EDN1: variants seen among roughly 807,000 people sequenced by gnomAD.
EDN1 encodes the protein endothelin 1, also known as endothelin-1.
Under a neutral mutation model 21.7 loss-of-function variants are expected in EDN1, and 11 were observed. The observed-to-expected ratio is 0.51, with a 90% CI of 0.32 to 0.84. The LOEUF is 0.84. Ranked by LOEUF, EDN1 falls within the 40% of genes least tolerant of loss-of-function variation. The pLI, the probability that EDN1 is intolerant of heterozygous loss-of-function variation, is 0.03. For missense variants in EDN1, 244 were observed against 262.3 expected (o/e 0.93, Z 0.48); for synonymous variants, 85 against 90.6 (o/e 0.94, Z 0.35).
At chr6:12,246,176 G>A in the EDN1 span, among the ~76,000 whole-genome samples, 51 of 152,104 alleles carry the variant, frequency 3.4e-4, no homozygotes, top group African/African-American at 1.2e-3. Flanking sequence ...CCTTTAGATT[G>A]TAGCACACGA....
chr6:12,266,012 TAGA>T, the EDN1 span, among the ~76,000 whole-genome samples: 1 of 152,116 alleles, frequency 6.6e-6, no homozygotes, highest in South Asian at 2.1e-4. Flanking sequence ...TCACTAGTAT[TAGA>T]AGAGGACACA....
In EDN1 at chr6:12,292,326, T is replaced by C; in HGVS notation, c.65-15T>C. On this transcript the variant is annotated splice_polypyrimidine_tract_variant and intron_variant, in intron 1 of 4. Transcript: ENST00000379375. Reference sequence around the variant, plus strand: ...GAGGAGACATCCCCCACTGACCTGCTCTTTCTCTCCCCAGCAGTCTTAGGC... The same window carrying C: ...GAGGAGACATCCCCCACTGACCTGCCCTTTCTCTCCCCAGCAGTCTTAGGC... 6.2e-7 allele frequency: 1 copy of C among 1,613,532 alleles called. No individual in the cohort carries two copies. Among genetic ancestry groups the C allele is most frequent in the Non-Finnish European group, 8.5e-7 (1 of 1,180,020 alleles).
At chr6:12,263,395 C>CA in the EDN1 span, among the ~76,000 whole-genome samples, 1 of 152,152 alleles carries the variant, frequency 6.6e-6, no homozygotes, top group African/African-American at 2.4e-5. Flanking sequence ...AGTGGGTGTA[C>CA]AAATGCAAAT....
chr6:12,266,480 C>T, the EDN1 span, among the ~76,000 whole-genome samples: 3 of 152,150 alleles, frequency 2.0e-5, no homozygotes, highest in South Asian at 2.1e-4. Flanking sequence ...AATGGGGATC[C>T]AGGCAGGAAA....
chr6:12,270,056 A>G, the EDN1 span, among the ~76,000 whole-genome samples: 1 of 151,980 alleles, frequency 6.6e-6, no homozygotes, highest in Non-Finnish European at 1.5e-5. Flanking sequence ...CTAGAAACTT[A>G]ACCATTTCTT....
chr6:12,240,998 C>G, the EDN1 span, among the ~76,000 whole-genome samples: 1,236 of 152,070 alleles, frequency 8.1e-3, 15 homozygotes, highest in African/African-American at 0.028. Flanking sequence ...TTATGCCAGC[C>G]CTGGATCATT....
the EDN1 span, among the ~76,000 whole-genome samples, chr6:12,244,792 T>A: frequency 3.9e-5 from 6 of 152,214 alleles, no homozygotes; most frequent in Non-Finnish European, 8.8e-5. Context: ...TGCAAAAGGA[T>A]CTTAGAGAAG....
At chr6:12,248,107 C>T in the EDN1 span, among the ~76,000 whole-genome samples, 2 of 151,826 alleles carry the variant, frequency 1.3e-5, no homozygotes, top group Non-Finnish European at 2.9e-5. Context: ...CAAGTCTAAA[C>T]TGAGAACAGT....
At chr6:12,256,351 A>G in the EDN1 span, among the ~76,000 whole-genome samples, 1 of 152,136 alleles carries the variant, frequency 6.6e-6, no homozygotes. Flanking sequence ...AGATCTTGTC[A>G]AACAAAACAA....
the EDN1 span, among the ~76,000 whole-genome samples, chr6:12,269,643 C>T: frequency 6.6e-6 from 1 of 152,004 alleles, no homozygotes; most frequent in Admixed American, 6.6e-5. Flanking sequence ...TCCTTGAGTC[C>T]ATGAAATAAA....
At chr6:12,265,493 CAT>C in the EDN1 span, among the ~76,000 whole-genome samples, 1 of 152,192 alleles carries the variant, frequency 6.6e-6, no homozygotes, top group Non-Finnish European at 1.5e-5. Flanking sequence ...AGACACCAGA[CAT>C]GTGCATGCAC....
Position 12,292,146 on chromosome 6 carries a change from G to A in EDN1, c.65-195G>A, listed in dbSNP as rs200175697. On this transcript the variant is annotated intron_variant, in intron 1 of 4. Coordinates refer to ENST00000379375, the MANE Select transcript of EDN1 (RefSeq NM_001955.5). ...GAAGGTGGATAAGCCAAGGGCATGA[G>A]GGGGAGGCAAAAGGTGAACTCATGT... Among the ~76,000 whole-genome samples the A allele has an allele frequency of 8.7e-5, 13 of 149,840 alleles. No homozygotes were observed. The East Asian group carries it at 1.9e-3, about 22-fold the overall frequency.
At chr6:12,246,270 G>A in the EDN1 span, among the ~76,000 whole-genome samples, 1 of 152,148 alleles carries the variant, frequency 6.6e-6, no homozygotes, top group Non-Finnish European at 1.5e-5. Flanking sequence ...CATCTGAGAG[G>A]CTTCCTTCCA....
At chr6:12,232,351 G>C in the EDN1 span, among the ~76,000 whole-genome samples, 1 of 150,824 alleles carries the variant, frequency 6.6e-6, no homozygotes, top group African/African-American at 2.4e-5. Flanking sequence ...CATATTTTTA[G>C]TTATTGGGTT....
At chr6:12,252,086 A>T in the EDN1 span, among the ~76,000 whole-genome samples, 8 of 152,196 alleles carry the variant, frequency 5.3e-5, no homozygotes, top group Admixed American at 3.9e-4. Flanking sequence ...ATGTGTAAGG[A>T]TGTAATTAAC....
chr6:12,253,197 G>A, the EDN1 span, among the ~76,000 whole-genome samples: 9 of 152,256 alleles, frequency 5.9e-5, no homozygotes, highest in East Asian at 1.5e-3. Flanking sequence ...CTCCCAATGA[G>A]CAATGAAATT....
the EDN1 span, among the ~76,000 whole-genome samples, chr6:12,259,182 G>A: frequency 6.6e-6 from 1 of 151,850 alleles, no homozygotes; most frequent in Admixed American, 6.6e-5. Context: ...ACTGGCTAAT[G>A]CATTAAATCA....
the EDN1 span, among the ~76,000 whole-genome samples, chr6:12,255,140 CAAAT>C: frequency 6.6e-6 from 1 of 152,002 alleles, no homozygotes; most frequent in East Asian, 1.9e-4. Flanking sequence ...TTCAAAAAGC[CAAAT>C]AAATAACAAA....
At chr6:12,295,906 G>C in intron 4 of EDN1, 56 bp from the exon 5 acceptor site, 1 of 1,560,350 alleles carries the variant, frequency 6.4e-7, no homozygotes, top group Non-Finnish European at 8.8e-7. Flanking sequence ...TGTTTCTTTT[G>C]CCAAAGGGTG....
Sources: gnomAD v4.1 joint callset for allele counts (sites outside exome capture counted in the v4.1 genomes callset) on GRCh38, gnomAD v4.1.1 for gene constraint, MANE v1.5 for transcripts, NCBI Gene and HGNC (gene_info 2026-07-23, HGNC 2026-07-21) for gene names.